TMEM47: variants seen among roughly 807,000 people sequenced by gnomAD.
The protein encoded by TMEM47 is transmembrane protein 47, also known as brain cell membrane protein 1.
Under a neutral mutation model 12.4 loss-of-function variants are expected in TMEM47, and 3 were observed. That is an observed-to-expected ratio of 0.24 (90% confidence interval 0.11 to 0.63). The LOEUF (loss-of-function observed/expected upper bound fraction) is 0.63. Ranked by LOEUF, TMEM47 falls within the 20% of genes least tolerant of loss-of-function variation. The pLI is 0.86. For synonymous variants in TMEM47, 62 were observed against 63.3 expected, an observed-to-expected ratio of 0.98 and a Z score of 0.10; for missense variants, 89 against 143.8, an observed-to-expected ratio of 0.62 and a Z score of 1.95.
At chrX:34,653,746 G>T (rs1922055919) in intron 1 of TMEM47, among the ~76,000 whole-genome samples, 1 of 111,790 alleles carries the variant, frequency 8.9e-6, no homozygotes, top group Non-Finnish European at 1.9e-5. Flanking sequence ...AAGATTTAAG[G>T]TTTATTAAAA....
chrX:34,639,709 G>A, intron 1 of TMEM47, among the ~76,000 whole-genome samples: 1 of 111,126 alleles, frequency 9.0e-6, no homozygotes, highest in East Asian at 2.8e-4. Context: ...AATTTTTATC[G>A]AGCAATAAAG....
intron 2 of TMEM47, among the ~76,000 whole-genome samples, chrX:34,636,807 G>A (rs1389480522): frequency 1.8e-5 from 2 of 111,493 alleles, no homozygotes; most frequent in African/African-American, 6.5e-5. Context: ...AGTAACTGGA[G>A]TTACAGGACG....
intron 1 of TMEM47, among the ~76,000 whole-genome samples, chrX:34,646,849 C>T (rs1416105440): frequency 2.7e-5 from 3 of 111,529 alleles, no homozygotes; most frequent in African/African-American, 9.8e-5. Flanking sequence ...AGTACTCCCA[C>T]CAGCTCCTTC....
chrX:34,656,648 T>G (rs1369809041), intron 1 of TMEM47, among the ~76,000 whole-genome samples, 156 bp downstream of exon 1: 3 of 97,502 alleles, frequency 3.1e-5, no homozygotes, highest in Admixed American at 1.1e-4. Context: ...GCCAGGGAGG[T>G]GGCGGGAGCC....
intron 1 of TMEM47, among the ~76,000 whole-genome samples, chrX:34,651,697 C>T (rs1358483801): frequency 8.9e-6 from 1 of 111,877 alleles, no homozygotes. Context: ...AAAGTTTCCT[C>T]AATAATATAT....
chrX:34,654,404 A>C (rs939171043), intron 1 of TMEM47, among the ~76,000 whole-genome samples: 1 of 111,798 alleles, frequency 8.9e-6, no homozygotes, highest in Admixed American at 9.5e-5. Flanking sequence ...AAAGATGTGG[A>C]TCTCTCAAAA....
intron 1 of TMEM47, among the ~76,000 whole-genome samples, chrX:34,655,834 T>C (rs1922097454): frequency 9.0e-6 from 1 of 111,033 alleles, no homozygotes; most frequent in African/African-American, 3.3e-5. Context: ...TCCTCTCTCT[T>C]TATTTCCCTT....
chrX:34,639,619 T>G (rs1248260758), intron 1 of TMEM47, among the ~76,000 whole-genome samples: 1 of 111,776 alleles, frequency 8.9e-6, no homozygotes, highest in Admixed American at 9.5e-5. Flanking sequence ...TGCTAGGATT[T>G]TCTTCCAAGG....
chrX:34,630,883 G>C (rs1372381201), intron 2 of TMEM47, among the ~76,000 whole-genome samples: 1 of 109,786 alleles, frequency 9.1e-6, no homozygotes, highest in Admixed American at 9.8e-5. Flanking sequence ...CTCAAGAATA[G>C]TGACCCCAGC....
At chrX:34,632,581 C>T (rs774619636) in intron 2 of TMEM47, among the ~76,000 whole-genome samples, 3 of 111,666 alleles carry the variant, frequency 2.7e-5, no homozygotes, top group African/African-American at 9.8e-5. Flanking sequence ...ATAAAAACAC[C>T]CAACATTTCT....
chrX:34,653,391 T>C (rs1343591713), intron 1 of TMEM47, among the ~76,000 whole-genome samples: 1 of 112,107 alleles, frequency 8.9e-6, no homozygotes, highest in Non-Finnish European at 1.9e-5. Context: ...ATGAATTTGT[T>C]ATATCCCTAA....
chrX:34,642,455 C>T (rs1921835676), intron 1 of TMEM47, among the ~76,000 whole-genome samples: 1 of 111,546 alleles, frequency 9.0e-6, no homozygotes, highest in Non-Finnish European at 1.9e-5. Flanking sequence ...CAGTAAAATG[C>T]TATAGTAGAA....
intron 1 of TMEM47, among the ~76,000 whole-genome samples, chrX:34,647,681 A>T (rs189343990): frequency 3.3e-4 from 37 of 112,147 alleles, no homozygotes; most frequent in African/African-American, 1.2e-3. Flanking sequence ...GTTTGAAAAG[A>T]TTAGTAAAAT....
chrX:34,650,246 T>C (rs144573561), intron 1 of TMEM47, among the ~76,000 whole-genome samples: 1,308 of 111,916 alleles, frequency 0.012, 15 homozygotes, highest in African/African-American at 0.04. Context: ...TCACATGCAG[T>C]CCTTCACCTC....
At chrX:34,644,112 A>T (rs1223208092) in intron 1 of TMEM47, among the ~76,000 whole-genome samples, 3 of 111,685 alleles carry the variant, frequency 2.7e-5, no homozygotes, top group African/African-American at 9.7e-5. Context: ...AAAAAACTCC[A>T]GGAAAATACA....
chrX:34,635,953 G>C (rs1333499047), intron 2 of TMEM47, among the ~76,000 whole-genome samples: 2 of 111,834 alleles, frequency 1.8e-5, no homozygotes, highest in Admixed American at 9.5e-5. Flanking sequence ...AAAAGCATTT[G>C]CCAGTGGAAG....
intron 2 of TMEM47, among the ~76,000 whole-genome samples, chrX:34,633,817 G>T (rs2147137338): frequency 9.0e-6 from 1 of 111,017 alleles, no homozygotes; most frequent in African/African-American, 3.3e-5. Context: ...ACTCCATTAG[G>T]CCCTACTGGC....
intron 1 of TMEM47, among the ~76,000 whole-genome samples, chrX:34,644,130 A>G (rs1921867782): frequency 9.0e-6 from 1 of 111,726 alleles, no homozygotes; most frequent in African/African-American, 3.3e-5. Flanking sequence ...ACATACACAT[A>G]ATGTTATATT....
At chrX:34,655,723 A>G (rs1601970388) in intron 1 of TMEM47, among the ~76,000 whole-genome samples, 2 of 109,676 alleles carry the variant, frequency 1.8e-5, no homozygotes, top group African/African-American at 6.7e-5. Flanking sequence ...AAGGAATGTA[A>G]TGAGTTTCTC....
Sources: gnomAD v4.1 joint callset for allele counts (sites outside exome capture counted in the v4.1 genomes callset) on GRCh38, gnomAD v4.1.1 for gene constraint, MANE v1.5 for transcripts, NCBI Gene and HGNC (gene_info 2026-07-23, HGNC 2026-07-21) for gene names.